HERC4: variants seen among roughly 807,000 people sequenced by gnomAD.
The protein encoded by HERC4 is probable E3 ubiquitin-protein ligase HERC4.
A neutral mutation model predicts 124.3 loss-of-function variants in HERC4; 28 were observed. The ratio of observed to expected loss-of-function variants is 0.23; its 90% CI spans 0.17 to 0.31. The LOEUF is 0.31. HERC4 is among the 10% of genes least tolerant of loss of function. HERC4 has a pLI of 1.00. For missense variants in HERC4, 713 were observed against 1,229.3 expected (o/e 0.58, Z 6.28); for synonymous variants, 407 against 421.5 (o/e 0.97, Z 0.42).
chr10:67,926,166 G>C (rs1238304879), intron 23 of HERC4, among the ~76,000 whole-genome samples: 4 of 152,136 alleles, frequency 2.6e-5, no homozygotes, highest in African/African-American at 9.7e-5. Context: ...TGTCCAAGCC[G>C]GGCAGATCAC....
intron 15 of HERC4, among the ~76,000 whole-genome samples, chr10:67,969,954 G>C (rs1265742268): frequency 1.3e-5 from 2 of 152,152 alleles, no homozygotes; most frequent in African/African-American, 4.8e-5. Flanking sequence ...ACTGACAAGA[G>C]GAAAGAATGA....
intron 16 of HERC4, chr10:67,966,077 A>G (rs2034845677): frequency 6.6e-6 from 1 of 152,536 alleles, no homozygotes; most frequent in East Asian, 1.9e-4. Flanking sequence ...TCCCAGGTTC[A>G]AGTGATTCTC....
intron 19 of HERC4, among the ~76,000 whole-genome samples, chr10:67,941,316 A>T (rs1250227683): frequency 6.6e-6 from 1 of 152,188 alleles, no homozygotes; most frequent in Non-Finnish European, 1.5e-5. Context: ...ACTTAAAAAA[A>T]ATATATCTAG....
chr10:67,944,654 T>G (rs542366924), intron 19 of HERC4, among the ~76,000 whole-genome samples: 2 of 152,308 alleles, frequency 1.3e-5, no homozygotes, highest in South Asian at 2.1e-4. Context: ...ATATATGACC[T>G]TTCAGTCAGA....
intron 21 of HERC4, 88 bp from the exon 22 acceptor site, chr10:67,936,323 T>A: frequency 1.4e-6 from 1 of 696,994 alleles, no homozygotes; most frequent in Non-Finnish European, 2.2e-6. Flanking sequence ...TCTCATTTAA[T>A]TAAAAAAAAC....
rs1373371398 is a variant in HERC4 at position 68,071,700 on chromosome 10, A to G, written c.226+1183T>C. 2.0e-5 allele frequency among the ~76,000 whole-genome samples: 3 copies of G among 152,276 alleles called. No homozygotes were observed. In the East Asian group the frequency reaches 5.8e-4, roughly 29 times the overall value. On this transcript the variant is annotated intron_variant, in intron 3 of 24. Coordinates refer to ENST00000373700, the MANE Select transcript of HERC4 (RefSeq NM_015601.4). ...TGAAAATCTGGTAGGAATCCATAAA[A>G]TGTTCTTAGACAGGTAGAGTACAAG...
intron 9 of HERC4, chr10:67,996,182 C>A: frequency 2.3e-6 from 1 of 440,626 alleles, no homozygotes; most frequent in East Asian, 7.8e-5. Flanking sequence ...TGGCGCATGC[C>A]TGTAGTCTGA....
At chr10:67,928,500 T>A (rs745484793) in intron 23 of HERC4, among the ~76,000 whole-genome samples, 3 of 152,176 alleles carry the variant, frequency 2.0e-5, no homozygotes, top group Admixed American at 6.5e-5. Context: ...AGAGGGGACA[T>A]GCATGGTCCA....
chr10:68,039,429 T>TA, intron 4 of HERC4: 1 of 1,550,646 alleles, frequency 6.4e-7, no homozygotes, highest in Non-Finnish European at 8.7e-7. Context: ...GATTCTGCCA[T>TA]AAGAGAGTCC....
intron 22 of HERC4, among the ~76,000 whole-genome samples, chr10:67,933,202 C>CTATA (rs2032006438): frequency 6.6e-6 from 1 of 152,162 alleles, no homozygotes; most frequent in Non-Finnish European, 1.5e-5. Context: ...ATTTGACCAA[C>CTATA]TATAGCCTTC....
chr10:67,992,303 G>A lies in HERC4; in HGVS notation c.1167C>T (p.Asp389=). ...GCTTTGTCGGATTGGGACATCTGAAGTCATCTGGTGGCCCACAGTTCTAAA... is the reference window on the plus strand; with the variant it reads ...GCTTTGTCGGATTGGGACATCTGAAATCATCTGGTGGCCCACAGTTCTAAA... ...SSPQNCGPPD[D]FRCPNPTKQI... The change falls in exon 11 of 25, where the codon GAC becomes GAT. Residue 389 remains aspartate (D), a synonymous_variant. Transcript: ENST00000373700. 6.2e-7 allele frequency: 1 copy of A among 1,613,878 alleles called. No homozygotes were observed. The highest frequency in any genetic ancestry group is 8.5e-7 in the Non-Finnish European group (1 of 1,179,796).
chr10:67,982,186 G>A (rs1010623267), intron 15 of HERC4, among the ~76,000 whole-genome samples: 8 of 152,170 alleles, frequency 5.3e-5, no homozygotes, highest in African/African-American at 1.2e-4. Context: ...ACAAAACTGC[G>A]AGGAATCATA....
chr10:68,025,154 G>A (rs143460906), intron 8 of HERC4, among the ~76,000 whole-genome samples: 65 of 152,150 alleles, frequency 4.3e-4, no homozygotes, highest in African/African-American at 1.5e-3. Context: ...CTTGAGCCCA[G>A]GAGATTGAGG....
Position 68,022,988 on chromosome 10 carries a change from G to A in HERC4, c.908+2558C>T, listed in dbSNP as rs540607132. Among the ~76,000 whole-genome samples the A allele has an allele frequency of 5.3e-5, 8 of 151,484 alleles. No homozygotes were observed. The South Asian group carries it at 1.0e-3, about 20-fold the overall frequency. Reference sequence around the variant, plus strand: ...AACCACAGGAGATAACATGTTACACGTATTAAAATAGGTATTATAAAAAAA... The same window carrying A: ...AACCACAGGAGATAACATGTTACACATATTAAAATAGGTATTATAAAAAAA... On this transcript the variant is annotated intron_variant, in intron 8 of 24. Coordinates refer to ENST00000373700, the MANE Select transcript of HERC4 (RefSeq NM_015601.4).
intron 4 of HERC4, among the ~76,000 whole-genome samples, chr10:68,038,865 G>GC (rs1278864747): frequency 1.3e-5 from 2 of 151,914 alleles, no homozygotes; most frequent in East Asian, 3.9e-4. Context: ...TTACCACAAC[G>GC]CAACTTTAAA....
At chr10:68,059,537 CATATT>C (rs932117183) in intron 3 of HERC4, among the ~76,000 whole-genome samples, 2 of 85,492 alleles carry the variant, frequency 2.3e-5, no homozygotes, top group Non-Finnish European at 4.5e-5. Context: ...TATTATATAT[CATATT>C]ATATATCATA....
chr10:68,005,414 G>A (rs1208171489), intron 9 of HERC4, among the ~76,000 whole-genome samples: 4 of 152,006 alleles, frequency 2.6e-5, no homozygotes, highest in Non-Finnish European at 4.4e-5. Flanking sequence ...TTTATTTTCA[G>A]TGTATGTGTG....
intron 3 of HERC4, chr10:68,068,903 C>T (rs1466330577): frequency 7.2e-6 from 2 of 277,160 alleles, no homozygotes; most frequent in Non-Finnish European, 1.1e-5. Context: ...GACCATGATA[C>T]CTGCCTTAGC....
rs142996362 is a variant in HERC4 at position 67,962,566 on chromosome 10, G to C, written c.1926+4117C>G. On this transcript the variant is annotated intron_variant, in intron 16 of 24. Coordinates refer to ENST00000373700, the MANE Select transcript of HERC4 (RefSeq NM_015601.4). ...TGAAAAACTTCAGAAAAAGAGAGAT[G>C]ATTAGACATTAGGTATAATCATTTT... Among the ~76,000 whole-genome samples, 518 of 152,108 alleles carry C rather than the reference G, an allele frequency of 3.4e-3. 2 individuals are homozygous for C. Among genetic ancestry groups the C allele is most frequent in the African/African-American group, 0.012 (491 of 41,512 alleles).
Sources: allele counts gnomAD v4.1 joint callset (sites outside exome capture counted in the v4.1 genomes callset), GRCh38; gene constraint gnomAD v4.1.1; transcripts MANE v1.5; gene names NCBI Gene and HGNC (gene_info 2026-07-23, HGNC 2026-07-21).